The following SOX5 variants were observed in gnomAD, a reference collection of about 807,000 sequenced individuals.
SOX5 encodes the protein transcription factor SOX-5.
A neutral mutation model predicts 92.0 loss-of-function variants in SOX5; 9 were observed. That is an observed-to-expected ratio of 0.10 (90% CI 0.06 to 0.17). The LOEUF (loss-of-function observed/expected upper bound fraction) is 0.17, where lower values mean the gene tolerates loss of function less well. SOX5 is among the 10% of genes least tolerant of loss of function. The pLI is 1.00. For synonymous variants in SOX5, 344 were observed against 336.3 expected, an observed-to-expected ratio of 1.02 and a Z score of -0.25; for missense variants, 642 against 944.5, an observed-to-expected ratio of 0.68 and a Z score of 4.20.
chr12:24,184,324 A>C (rs1026565746), intron 4 of SOX5, among the ~76,000 whole-genome samples: 16 of 152,316 alleles, frequency 1.1e-4, no homozygotes, highest in African/African-American at 3.8e-4. Flanking sequence ...TTAGAGAAAC[A>C]ACTATTACAC....
intron 4 of SOX5, among the ~76,000 whole-genome samples, chr12:23,975,178 GA>G (rs1187535271): frequency 2.0e-5 from 3 of 151,930 alleles, no homozygotes; most frequent in Admixed American, 2.0e-4. Context: ...CTATTTAAAT[GA>G]AAAAAGATTT....
At chr12:24,500,738 C>T (rs4963767) in intron 1 of SOX5, among the ~76,000 whole-genome samples, 41,810 of 152,024 alleles carry the variant, frequency 0.28, 6,894 homozygotes, top group East Asian at 0.71. Flanking sequence ...TTCTTAGCTA[C>T]CGCTGTTCCA....
chr12:24,182,135 A>T (rs537527353), intron 4 of SOX5, among the ~76,000 whole-genome samples: 1 of 152,310 alleles, frequency 6.6e-6, no homozygotes, highest in South Asian at 2.1e-4. Flanking sequence ...ATAAAGGAAA[A>T]CATATTTTAG....
intron 4 of SOX5, among the ~76,000 whole-genome samples, chr12:24,171,138 A>ATTTTTTT (rs71059984): frequency 4.7e-5 from 4 of 85,146 alleles, no homozygotes; most frequent in African/African-American, 1.5e-4. Context: ...CCCAAGATCT[A>ATTTTTTT]TTTTTTTTTT....
chr12:23,816,145 TTTGCGGAC>T (rs1179274788), intron 3 of SOX5, among the ~76,000 whole-genome samples: 2 of 152,028 alleles, frequency 1.3e-5, no homozygotes, highest in African/African-American at 2.4e-5. Context: ...GTGGACCCTA[TTTGCGGAC>T]CACTGCTCTA....
At chr12:23,538,250 T>C (rs762327993) in intron 13 of SOX5, among the ~76,000 whole-genome samples, 1 of 152,104 alleles carries the variant, frequency 6.6e-6, no homozygotes, top group Non-Finnish European at 1.5e-5. Context: ...AAGCATACAG[T>C]GAAAGAGGCA....
chr12:24,457,737 AAGTG>A (rs1943175413), intron 1 of SOX5, among the ~76,000 whole-genome samples: 1 of 152,214 alleles, frequency 6.6e-6, no homozygotes, highest in Non-Finnish European at 1.5e-5. Context: ...ATTGCCTCAA[AAGTG>A]AAGGAGCTGT....
At chr12:24,062,076 G>T (rs1459376451) in intron 4 of SOX5, among the ~76,000 whole-genome samples, 1 of 152,166 alleles carries the variant, frequency 6.6e-6, no homozygotes, top group East Asian at 1.9e-4. Context: ...CATCATCTTT[G>T]TACAGGGTGT....
chr12:23,790,684 A>G (rs1217751358), intron 3 of SOX5, among the ~76,000 whole-genome samples: 1 of 152,066 alleles, frequency 6.6e-6, no homozygotes, highest in East Asian at 1.9e-4. Flanking sequence ...GAATCATTCT[A>G]CTTATGACCA....
chr12:24,523,224 T>C (rs1425687466), intron 1 of SOX5, among the ~76,000 whole-genome samples: 2 of 151,860 alleles, frequency 1.3e-5, no homozygotes, highest in East Asian at 1.9e-4. Flanking sequence ...CTATAAAACA[T>C]TGGTGAAAGA....
At chr12:24,417,542 T>C (rs1444752608) in intron 1 of SOX5, among the ~76,000 whole-genome samples, 1 of 152,186 alleles carries the variant, frequency 6.6e-6, no homozygotes, top group East Asian at 1.9e-4. Context: ...ACAGACAATG[T>C]TAAGAACAGC....
At chr12:23,956,229 T>C (rs1360645030) in intron 4 of SOX5, among the ~76,000 whole-genome samples, 2 of 152,184 alleles carry the variant, frequency 1.3e-5, no homozygotes, top group Non-Finnish European at 2.9e-5. Context: ...CAATGTTCAG[T>C]CTACTTGTAT....
chr12:24,166,404 T>C (rs145214232), intron 4 of SOX5, among the ~76,000 whole-genome samples: 10 of 152,306 alleles, frequency 6.6e-5, no homozygotes, highest in African/African-American at 2.4e-4. Flanking sequence ...GTGTGTGTCA[T>C]TAGCATATAC....
intron 1 of SOX5, among the ~76,000 whole-genome samples, chr12:24,498,018 G>A (rs1947821636): frequency 6.6e-6 from 1 of 152,084 alleles, no homozygotes. Flanking sequence ...GGACACATGG[G>A]GGTGGGGAGG....
rs1009885303 is a variant in SOX5 at position 24,503,973 on chromosome 12, TA to T, written c.-251+58355del. ...TGTATCCCAGAACTTAAAGTATAAT[TA>T]AAAAAAAAACAACACATTTTGAGTT... is the stretch of plus-strand genomic sequence containing the variant. On this transcript the variant is annotated intron_variant, in intron 1 of 4. Coordinates refer to the SOX5 transcript ENST00000446891. Among the ~76,000 whole-genome samples, 471 of 148,036 alleles carry T rather than the reference TA, an allele frequency of 3.2e-3. 2 individuals are homozygous for T. The highest frequency in any genetic ancestry group is 0.01 in the African/African-American group (425 of 40,500).
At position 23,747,332 on chromosome 12, in the gene SOX5, T is replaced by C. The variant is rs111480078; in HGVS notation, c.569-6293A>G. 4.5e-3 allele frequency among the ~76,000 whole-genome samples: 679 copies of C among 152,252 alleles called. 5 individuals are homozygous for C. Among genetic ancestry groups the C allele is most frequent in the African/African-American group, 0.015 (644 of 41,584 alleles). ...TTGTCTCTATTTCTACTTGTTTCCT[T>C]ACTAAAATCCATTCTCCAAACAAAC... On this transcript the variant is annotated intron_variant, in intron 4 of 14. Transcript: ENST00000451604.
intron 10 of SOX5, among the ~76,000 whole-genome samples, chr12:23,572,630 C>G (rs371550841): frequency 1.1e-4 from 17 of 152,096 alleles, no homozygotes; most frequent in African/African-American, 3.9e-4. Context: ...TCACATATTC[C>G]AGTTCTAACA....
intron 2 of SOX5, among the ~76,000 whole-genome samples, chr12:24,314,055 C>T (rs539601266): frequency 6.6e-6 from 1 of 152,272 alleles, no homozygotes; most frequent in East Asian, 1.9e-4. Context: ...GTTTTGACCA[C>T]TTCTAACCAC....
At chr12:24,179,627 A>G (rs1363427859) in intron 4 of SOX5, among the ~76,000 whole-genome samples, 1 of 152,214 alleles carries the variant, frequency 6.6e-6, no homozygotes, top group African/African-American at 2.4e-5. Context: ...TACAGTATTC[A>G]GTAAATTAGA....
Sources: gnomAD v4.1 joint callset for allele counts (sites outside exome capture counted in the v4.1 genomes callset) on GRCh38, gnomAD v4.1.1 for gene constraint, MANE v1.5 for transcripts, NCBI Gene and HGNC (gene_info 2026-07-23, HGNC 2026-07-21) for gene names.